Variants in CEP128 observed in about 807,000 individuals in gnomAD.
CEP128 encodes centrosomal protein 128kDa.
Under a neutral mutation model 156.7 loss-of-function variants are expected in CEP128, and 132 were observed. The ratio of observed to expected loss-of-function variants is 0.84; its 90% CI spans 0.73 to 0.97. The LOEUF (loss-of-function observed/expected upper bound fraction) is 0.97. CEP128 is among the 50% of genes least tolerant of loss of function. The pLI is 0.00. For missense variants in CEP128, 1,252 were observed against 1,281.9 expected, an observed-to-expected ratio of 0.98 and a Z score of 0.36; for synonymous variants, 469 against 448.9, an observed-to-expected ratio of 1.04 and a Z score of -0.57.
chr14:80,499,679 T>C (rs1016301228), intron 24 of CEP128, among the ~76,000 whole-genome samples: 4 of 152,212 alleles, frequency 2.6e-5, no homozygotes, highest in African/African-American at 9.7e-5. Context: ...CTTAAAAAAC[T>C]AGAGATTTCT....
At chr14:80,484,108 A>C (rs934031158) in intron 14 of CEP128, among the ~76,000 whole-genome samples, 2 of 152,036 alleles carry the variant, frequency 1.3e-5, no homozygotes, top group Admixed American at 6.6e-5. Flanking sequence ...TCTCAAGCAG[A>C]TGGGACTACA....
At chr14:80,769,169 TATC>T (rs1350722146) in intron 16 of CEP128, among the ~76,000 whole-genome samples, 1 of 152,098 alleles carries the variant, frequency 6.6e-6, no homozygotes, top group Non-Finnish European at 1.5e-5. Flanking sequence ...AGAAAAAAAT[TATC>T]ATTCATATTG....
chr14:80,516,269 A>T (rs368312358), intron 23 of CEP128, among the ~76,000 whole-genome samples: 1 of 152,254 alleles, frequency 6.6e-6, no homozygotes, highest in South Asian at 2.1e-4. Flanking sequence ...TCTGGGAGCT[A>T]TGTCATGGAA....
intron 19 of CEP128, among the ~76,000 whole-genome samples, chr14:80,642,913 C>T (rs1227568922): frequency 2.6e-5 from 4 of 152,038 alleles, no homozygotes; most frequent in Non-Finnish European, 5.9e-5. Context: ...TGCCACCACG[C>T]CTGGCTAATT....
rs202046385 is a variant in CEP128, at chr14:80,809,323, A to AT, written c.1210-16214dup. Among the ~76,000 whole-genome samples, 154 of 152,268 alleles carry AT rather than the reference A, an allele frequency of 1.0e-3. 1 individual carries two copies. Among genetic ancestry groups the AT allele is most frequent in the African/African-American group, 2.9e-3 (120 of 41,566 alleles). On this transcript the variant is annotated intron_variant, in intron 13 of 24. Transcript: ENST00000555265. The stretch of plus-strand genomic sequence containing the variant: ...AGTCCTTTAAAATGATTCAATCAGA[A>AT]TTTTAAAAAAAAAGAAGAAACAGAG...
chr14:80,730,192 C>T (rs574858861), intron 19 of CEP128, among the ~76,000 whole-genome samples: 13 of 152,114 alleles, frequency 8.5e-5, no homozygotes, highest in Admixed American at 3.3e-4. Context: ...TTCATTGCAA[C>T]GAAATCATAC....
Position 80,918,505 on chromosome 14 carries a change from G to A in CEP128, c.-15-1943C>T, listed in dbSNP as rs981210807. Among the ~76,000 whole-genome samples, 12 of 152,282 alleles carry A rather than the reference G, an allele frequency of 7.9e-5. No individual in the cohort carries two copies. The East Asian group carries it at 1.9e-3, about 24-fold the overall frequency. ...GAACACTATTAACCCCTAATTCATA[G>A]AGGATGCTACTGCTAAAAGATATTA... is the stretch of plus-strand genomic sequence containing the variant. On this transcript the variant is annotated intron_variant, in intron 2 of 24. Transcript: ENST00000555265.
chr14:80,622,160 T>C (rs905650197), intron 19 of CEP128, among the ~76,000 whole-genome samples: 1 of 152,178 alleles, frequency 6.6e-6, no homozygotes, highest in Non-Finnish European at 1.5e-5. Context: ...TTTAGCATTC[T>C]TTATGTGGCT....
At position 80,777,976 on chromosome 14, in the gene CEP128, C is replaced by T. The variant is rs368993463; in HGVS notation, c.2282G>A (p.Cys761Tyr). ...GGTTAATTCCTCTGTCAGTCTGTCA[C>T]ACTGTGATTTCAACTTCTCCAGCTG... The part of the protein sequence containing the change: ...RGQLEKLKSQ[C>Y]DRLTEELTQN... The change falls in exon 16 of 25, where the codon TGT becomes TAT. Residue 761 changes from cysteine to tyrosine, a missense_variant. Physicochemically the swap from Cys to Tyr is radical, Grantham distance 194 (BLOSUM62 -2). Transcript: ENST00000555265. The T allele has an allele frequency of 6.2e-6, 10 of 1,613,280 alleles. No homozygotes were observed. Among genetic ancestry groups the T allele is most frequent in the Non-Finnish European group, 8.5e-6 (10 of 1,179,548 alleles).
Position 80,916,497 on chromosome 14 carries a change from C to A in CEP128, c.51G>T (p.Leu17Phe), listed in dbSNP as rs781261646. 1 of 1,614,034 alleles carries A rather than the reference C, an allele frequency of 6.2e-7. No individual in the cohort carries two copies. Among genetic ancestry groups the A allele is most frequent in the Non-Finnish European group, 8.5e-7 (1 of 1,179,932 alleles). ...GCGTTGATCTGGCAGCCCATGGACT[C>A]AATCGGTCACGACAGCGGAAGTGAT... ...ESDHFRCRDR[L>F]SPWAARSTHR... The change falls in exon 3 of 25, where the codon TTG becomes TTT. Residue 17 changes from leucine to phenylalanine, a missense_variant. Transcript: ENST00000555265.
intron 20 of CEP128, among the ~76,000 whole-genome samples, chr14:80,579,511 C>A (rs917543506): frequency 2.0e-5 from 3 of 152,188 alleles, no homozygotes; most frequent in Non-Finnish European, 4.4e-5. Context: ...TCCCCAATCA[C>A]AGAACACTTC....
At chr14:80,797,381 G>A (rs1595414717) in intron 13 of CEP128, among the ~76,000 whole-genome samples, 1 of 152,154 alleles carries the variant, frequency 6.6e-6, no homozygotes, top group Non-Finnish European at 1.5e-5. Flanking sequence ...GAAAAGGGTA[G>A]GATCTTCTTG....
intron 18 of CEP128, among the ~76,000 whole-genome samples, chr14:80,744,351 T>TA (rs775501584): frequency 1.3e-5 from 2 of 152,080 alleles, no homozygotes; most frequent in Non-Finnish European, 2.9e-5. Context: ...CTTTTGAAGA[T>TA]AAAACCTGTA....
intron 3 of CEP128, among the ~76,000 whole-genome samples, chr14:80,915,144 T>C (rs1884472759): frequency 6.6e-6 from 1 of 152,108 alleles, no homozygotes; most frequent in African/African-American, 2.4e-5. Flanking sequence ...CTCAGCTTCC[T>C]GGGCTCAAGG....
chr14:80,523,046 G>A (rs1428680284), intron 23 of CEP128, among the ~76,000 whole-genome samples: 1 of 152,182 alleles, frequency 6.6e-6, no homozygotes, highest in Non-Finnish European at 1.5e-5. Context: ...ATAAACAGAG[G>A]AGATGGCTCT....
intron 9 of CEP128, 64 bp downstream of exon 9, chr14:80,862,693 T>G: frequency 9.1e-7 from 1 of 1,102,324 alleles, no homozygotes; most frequent in Non-Finnish European, 1.4e-6. Flanking sequence ...AATAACCATT[T>G]TAACATGGCT....
chr14:80,772,720 T>G (rs1595376377), intron 16 of CEP128, among the ~76,000 whole-genome samples: 2 of 152,238 alleles, frequency 1.3e-5, no homozygotes, highest in East Asian at 3.9e-4. Context: ...TGCCAATCTG[T>G]GTGCTCCCCC....
chr14:80,714,771 AAGC>A (rs2139428949), intron 19 of CEP128, among the ~76,000 whole-genome samples: 1 of 152,138 alleles, frequency 6.6e-6, no homozygotes, highest in Non-Finnish European at 1.5e-5. Flanking sequence ...CACATCCTAA[AAGC>A]AGCAGATCAA....
upstream of CEP128, among the ~76,000 whole-genome samples, chr14:80,944,891 AC>A (rs1454328567): frequency 1.4e-5 from 2 of 142,636 alleles, no homozygotes; most frequent in Non-Finnish European, 3.1e-5. Flanking sequence ...AAAAAAAAAA[AC>A]CACTTTCCTT....
Sources: gnomAD v4.1 joint callset for allele counts (sites outside exome capture counted in the v4.1 genomes callset) on GRCh38, gnomAD v4.1.1 for gene constraint, MANE v1.5 for transcripts, NCBI Gene and HGNC (gene_info 2026-07-23, HGNC 2026-07-21) for gene names.